The following WAC variants were observed in gnomAD, a reference collection of about 807,000 sequenced individuals.
The protein encoded by WAC is WW domain-containing adapter protein with coiled-coil.
In WAC, 11 loss-of-function variants were observed where a neutral mutation model predicts 79.6. That is an observed-to-expected ratio of 0.14 (90% CI 0.09 to 0.23). The LOEUF (loss-of-function observed/expected upper bound fraction) is 0.23, where lower values mean the gene tolerates loss of function less well. WAC is among the 10% of genes least tolerant of loss of function. WAC has a pLI of 1.00. For missense variants in WAC, 728 were observed against 773.5 expected (o/e 0.94, Z 0.70); for synonymous variants, 304 against 276.9 (o/e 1.10, Z -0.97).
chr10:28,611,557 A>C (rs986189187), intron 9 of WAC: 21 of 1,337,044 alleles, frequency 1.6e-5, no homozygotes, highest in Non-Finnish European at 2.1e-5. Context: ...AGTGGGCCAC[A>C]CTGGGTGTGC....
chr10:28,603,053 A>G (rs1181059448), intron 7 of WAC, among the ~76,000 whole-genome samples: 1 of 152,190 alleles, frequency 6.6e-6, no homozygotes, highest in Non-Finnish European at 1.5e-5. Context: ...ATCCTTTGAA[A>G]GATCATAGGC....
chr10:28,577,570 T>A (rs1010540646), intron 3 of WAC, among the ~76,000 whole-genome samples: 1 of 152,168 alleles, frequency 6.6e-6, no homozygotes, highest in Admixed American at 6.5e-5. Context: ...TTGGTGAAAC[T>A]CTTTTAAGTG....
At chr10:28,569,110 A>G (rs1838806785) in intron 3 of WAC, among the ~76,000 whole-genome samples, 1 of 152,174 alleles carries the variant, frequency 6.6e-6, no homozygotes, top group African/African-American at 2.4e-5. Context: ...GCATGATTCT[A>G]TTTTTGGTTA....
rs1422098551 is a variant in WAC, at chr10:28,622,835, G to A, written c.*3229G>A. On this transcript the variant is annotated 3_prime_UTR_variant, in exon 14 of 14. Transcript: ENST00000354911. ...TTTGAAAGGGGAGAGGGCAACGCGGGAAATAATTCACTCTGCGCACCGGAA... is the reference window on the plus strand; with the variant it reads ...TTTGAAAGGGGAGAGGGCAACGCGGAAAATAATTCACTCTGCGCACCGGAA... 3.3e-5 allele frequency: 5 copies of A among 152,132 alleles called. No individual in the cohort carries two copies. The highest frequency in any genetic ancestry group is 7.4e-5 in the Non-Finnish European group (5 of 68,022). The allele number at this position is 152,132 out of a possible 1,614,324, so 9.4% of individuals were successfully genotyped here.
At chr10:28,547,760 C>G (rs1837433385) in intron 3 of WAC, among the ~76,000 whole-genome samples, 2 of 152,030 alleles carry the variant, frequency 1.3e-5, no homozygotes, top group Middle Eastern at 3.4e-3. Context: ...TCCTAATTTA[C>G]TCTCCTACCC....
chr10:28,556,665 G>C (rs140078354), intron 3 of WAC, among the ~76,000 whole-genome samples: 13 of 151,818 alleles, frequency 8.6e-5, no homozygotes, highest in South Asian at 6.2e-4. Context: ...TGTCCCCTAT[G>C]TTTTCTTGTG....
intron 1 of WAC, 45 bp from the exon 2 acceptor site, chr10:28,533,953 C>T (rs1383690951): frequency 2.5e-6 from 4 of 1,602,904 alleles, no homozygotes; most frequent in South Asian, 1.1e-5. Flanking sequence ...CGGCCCCCCA[C>T]CCGCGCCGTG....
At chr10:28,573,253 T>TC (rs916997116) in intron 3 of WAC, among the ~76,000 whole-genome samples, 10 of 152,058 alleles carry the variant, frequency 6.6e-5, no homozygotes, top group East Asian at 1.9e-4. Context: ...AATTGTCATC[T>TC]CCCCCCCAAA....
At chr10:28,608,706 A>G (rs886749309) in intron 8 of WAC, 5 of 352,400 alleles carry the variant, frequency 1.4e-5, no homozygotes, top group Admixed American at 4.5e-5. Flanking sequence ...AAGCCATTCT[A>G]TATACATAAT....
intron 11 of WAC, chr10:28,615,242 TTTGA>T (rs1841422541): frequency 1.3e-5 from 2 of 152,348 alleles, no homozygotes; most frequent in South Asian, 2.1e-4. Context: ...ATGGTTTTCA[TTTGA>T]TTGATTTTCC....
At chr10:28,578,963 T>C (rs1839389403) in intron 3 of WAC, among the ~76,000 whole-genome samples, 2 of 152,148 alleles carry the variant, frequency 1.3e-5, no homozygotes, top group Non-Finnish European at 2.9e-5. Flanking sequence ...TTTAAGTTCT[T>C]AAAGTTGCAA....
chr10:28,575,811 T>A (rs575947286), intron 3 of WAC, among the ~76,000 whole-genome samples: 1 of 152,374 alleles, frequency 6.6e-6, no homozygotes, highest in South Asian at 2.1e-4. Context: ...AGTTTCATTC[T>A]TTTGCACGTG....
intron 3 of WAC, among the ~76,000 whole-genome samples, chr10:28,558,610 T>C (rs1424275949): frequency 1.3e-5 from 2 of 152,210 alleles, no homozygotes; most frequent in African/African-American, 4.8e-5. Context: ...TGTGTTATGT[T>C]CCAAAATTTT....
intron 3 of WAC, among the ~76,000 whole-genome samples, chr10:28,558,279 G>A (rs1838109088): frequency 6.6e-6 from 1 of 152,058 alleles, no homozygotes; most frequent in Non-Finnish European, 1.5e-5. Flanking sequence ...ATTTTATTGA[G>A]GAGAGTGATT....
chr10:28,534,254 G>A (rs147699944), intron 2 of WAC: 92 of 441,446 alleles, frequency 2.1e-4, no homozygotes, highest in African/African-American at 1.8e-3. Context: ...GGAGTTCGCT[G>A]ATTTAGGAAA....
intron 3 of WAC, among the ~76,000 whole-genome samples, chr10:28,579,014 C>T (rs75193789): frequency 1.3e-5 from 2 of 152,142 alleles, no homozygotes; most frequent in African/African-American, 2.4e-5. Flanking sequence ...GCTCTTCTCC[C>T]TAAACCAAGT....
chr10:28,534,538 T>G (rs773225812), intron 2 of WAC, among the ~76,000 whole-genome samples: 2 of 152,218 alleles, frequency 1.3e-5, no homozygotes, highest in African/African-American at 4.8e-5. Context: ...GTAAAAGATA[T>G]GTGTGCTTTT....
rs542283393 is a variant in WAC, at chr10:28,543,233, A to G, written c.274+7476A>G. Among the ~76,000 whole-genome samples the G allele has an allele frequency of 5.9e-5, 9 of 152,364 alleles. No individual in the cohort carries two copies. The East Asian group carries it at 1.5e-3, about 26-fold the overall frequency. ...ACAAGGTTCTATAGCAGCACCGTCC[A>G]GTGGAAATATGTTGGCCACAAATGC... is the stretch of plus-strand genomic sequence containing the variant. On this transcript the variant is annotated intron_variant, in intron 3 of 13. Transcript: ENST00000354911.
chr10:28,572,725 T>C (rs1046355921), intron 3 of WAC, among the ~76,000 whole-genome samples: 3 of 152,004 alleles, frequency 2.0e-5, no homozygotes, highest in South Asian at 4.2e-4. Flanking sequence ...GCAGGAGAAT[T>C]GCTTGAACCC....
Sources: gnomAD v4.1 joint callset for allele counts (sites outside exome capture counted in the v4.1 genomes callset) on GRCh38, gnomAD v4.1.1 for gene constraint, MANE v1.5 for transcripts, NCBI Gene and HGNC (gene_info 2026-07-23, HGNC 2026-07-21) for gene names.